The following AGAP1 variants were observed in gnomAD, a reference collection of about 807,000 sequenced individuals.
AGAP1 encodes arf-GAP with GTPase, ANK repeat and PH domain-containing protein 1.
AGAP1 carries 29 observed loss-of-function variants against 105.3 expected under a neutral mutation model. The observed-to-expected ratio is 0.28, with a 90% CI of 0.21 to 0.38. AGAP1 has a LOEUF of 0.38. AGAP1 is among the 10% of genes least tolerant of loss of function. The probability of loss-of-function intolerance (pLI) is 1.00; values close to 1 mark genes in which losing one functional copy is unlikely to be tolerated. For missense variants in AGAP1, 998 were observed against 1,165.1 expected, an observed-to-expected ratio of 0.86 and a Z score of 2.09; for synonymous variants, 509 against 485.9, an observed-to-expected ratio of 1.05 and a Z score of -0.63.
At chr2:235,997,302 T>A (rs773005056) in intron 13 of AGAP1, among the ~76,000 whole-genome samples, 1 of 152,212 alleles carries the variant, frequency 6.6e-6, no homozygotes, top group Non-Finnish European at 1.5e-5. Context: ...TTGGTCAGGC[T>A]GGTCTCGAAC....
intron 1 of AGAP1, among the ~76,000 whole-genome samples, chr2:235,534,003 G>A (rs915473242): frequency 6.6e-6 from 1 of 152,252 alleles, no homozygotes; most frequent in African/African-American, 2.4e-5. Context: ...GGAGCCACAT[G>A]GGAAGCCCCC....
intron 9 of AGAP1, among the ~76,000 whole-genome samples, chr2:235,856,683 G>C (rs1039511821): frequency 2.6e-5 from 4 of 152,286 alleles, no homozygotes; most frequent in Non-Finnish European, 5.9e-5. Context: ...CACAGGCCAG[G>C]ATGGGAAAGG....
intron 11 of AGAP1, among the ~76,000 whole-genome samples, chr2:235,925,366 T>G (rs1336741610): frequency 6.6e-6 from 1 of 152,142 alleles, no homozygotes; most frequent in African/African-American, 2.4e-5. Context: ...ATCTTACTCC[T>G]TAGACACGGG....
At chr2:235,533,777 C>T (rs1340805398) in intron 1 of AGAP1, among the ~76,000 whole-genome samples, 4 of 152,240 alleles carry the variant, frequency 2.6e-5, no homozygotes, top group East Asian at 1.9e-4. Context: ...TTTCACCCCT[C>T]GGTTCTGCTC....
rs372205373 is a variant in AGAP1 at position 235,865,333 on chromosome 2, C to T, written c.1051-18012C>T. Among the ~76,000 whole-genome samples, 7 of 152,146 alleles carry T rather than the reference C, an allele frequency of 4.6e-5. No individual in the cohort carries two copies. The East Asian group carries it at 7.7e-4, about 17-fold the overall frequency. On this transcript the variant is annotated intron_variant, in intron 9 of 17. Transcript: ENST00000304032. This position sits in a 1 kb window ranked among gnomAD's most constrained non-coding sequence, Gnocchi z 6.2. ...GACGCGGCTAATGACAGGAAGGTCG[C>T]GCGGGTGAGCTGACCTGTGTGTGGC...
At chr2:235,942,706 A>G (rs2053319433) in intron 12 of AGAP1, among the ~76,000 whole-genome samples, 1 of 151,914 alleles carries the variant, frequency 6.6e-6, no homozygotes, top group African/African-American at 2.4e-5. Context: ...AAAATTTCCT[A>G]GCATACAGAA....
Position 235,788,363 on chromosome 2 carries a change from A to G in AGAP1, c.674-9396A>G, listed in dbSNP as rs882665. ...AGGAAAGTCCACCAAAAGGATAAAC[A>G]GCTAGGAGCCCACTAGTAAGCCAGG... On this transcript the variant is annotated intron_variant, in intron 6 of 17. Transcript: ENST00000304032. This position sits in a 1 kb window ranked among gnomAD's most constrained non-coding sequence, Gnocchi z 6.0. Among the ~76,000 whole-genome samples the G allele has an allele frequency of 2.0e-5, 3 of 152,168 alleles. No homozygotes were observed. The highest frequency in any genetic ancestry group is 1.5e-5 in the Non-Finnish European group (1 of 68,028).
At chr2:235,816,437 C>CAAA (rs79795818) in intron 9 of AGAP1, among the ~76,000 whole-genome samples, 2 of 97,920 alleles carry the variant, frequency 2.0e-5, no homozygotes, top group African/African-American at 3.8e-5. Flanking sequence ...GACTCCGTCT[C>CAAA]AAAAAAAAAA....
chr2:236,090,414 CAT>C lies in AGAP1; in HGVS notation c.2115-29777_2115-29776del, dbSNP rs1420137667. Among the ~76,000 whole-genome samples the C allele has an allele frequency of 6.6e-6, 1 of 152,180 alleles. No individual in the cohort carries two copies. Among genetic ancestry groups the C allele is most frequent in the Non-Finnish European group, 1.5e-5 (1 of 68,038 alleles). ...GTCACAAATTAGAAAATAATATTCA[CAT>C]GTTTCTTCTAATTGGTAACAGATTA... On this transcript the variant is annotated intron_variant, in intron 16 of 17. Coordinates refer to ENST00000304032, the MANE Select transcript of AGAP1 (RefSeq NM_001037131.3). This position sits in a 1 kb window ranked among gnomAD's most constrained non-coding sequence, Gnocchi z 4.3.
rs753204778 is a variant in AGAP1 at position 235,719,168 on chromosome 2, A to C, written c.310+1524A>C. Among the ~76,000 whole-genome samples the C allele has an allele frequency of 1.3e-5, 2 of 152,152 alleles. No individual in the cohort carries two copies. Among genetic ancestry groups the C allele is most frequent in the African/African-American group, 4.8e-5 (2 of 41,426 alleles). On this transcript the variant is annotated intron_variant, in intron 3 of 17. Transcript: ENST00000304032. The surrounding 1 kb of genome is among the most constrained non-coding windows in gnomAD (Gnocchi z 4.9). ...TCAAGCTGGGACCACAGGAAGTTAC[A>C]TGAGTCGGGCCTGGTTTTGTTGCTG... is the stretch of plus-strand genomic sequence containing the variant.
At position 236,105,120 on chromosome 2, in the gene AGAP1, G is replaced by A. The variant is rs1251993755; in HGVS notation, c.2115-15072G>A. ...AGAGAAGGCACGGCCCTCACCCAGGGCAGCAGAGATCAGGGCTGACTTTCC... is the reference window on the plus strand; with the variant it reads ...AGAGAAGGCACGGCCCTCACCCAGGACAGCAGAGATCAGGGCTGACTTTCC... On this transcript the variant is annotated intron_variant, in intron 16 of 17. Transcript: ENST00000304032. The surrounding 1 kb of genome is among the most constrained non-coding windows in gnomAD (Gnocchi z 4.2). Among the ~76,000 whole-genome samples, 1 of 152,102 alleles carries A rather than the reference G, an allele frequency of 6.6e-6. No individual in the cohort carries two copies. The highest frequency in any genetic ancestry group is 2.4e-5 in the African/African-American group (1 of 41,406).
At chr2:235,514,688 G>C (rs1342026056) in intron 1 of AGAP1, among the ~76,000 whole-genome samples, 2 of 152,256 alleles carry the variant, frequency 1.3e-5, no homozygotes, top group Non-Finnish European at 2.9e-5. Flanking sequence ...CCTGCCACCT[G>C]GTGGCCTGTG....
intron 9 of AGAP1, among the ~76,000 whole-genome samples, chr2:235,818,273 G>A (rs927127693): frequency 6.6e-6 from 1 of 152,200 alleles, no homozygotes; most frequent in Admixed American, 6.5e-5. Flanking sequence ...TAGACGAAGA[G>A]TTTGAGGTTC....
intron 11 of AGAP1, among the ~76,000 whole-genome samples, chr2:235,909,110 GAGT>G (rs2051450634): frequency 6.6e-6 from 1 of 152,204 alleles, no homozygotes; most frequent in Non-Finnish European, 1.5e-5. Context: ...ATGGTGCTTT[GAGT>G]CACAGCTGCA....
chr2:236,069,994 TGACA>T (rs1418773305), intron 16 of AGAP1, among the ~76,000 whole-genome samples: 3 of 152,260 alleles, frequency 2.0e-5, no homozygotes, highest in Non-Finnish European at 4.4e-5. Context: ...TCACCCAGTG[TGACA>T]GTGGTGGCTG....
Position 235,889,503 on chromosome 2 carries a change from G to A in AGAP1, c.1155+6054G>A, listed in dbSNP as rs1003970343. Among the ~76,000 whole-genome samples, 1 of 151,128 alleles carries A rather than the reference G, an allele frequency of 6.6e-6. No homozygotes were observed. The highest frequency in any genetic ancestry group is 2.4e-5 in the African/African-American group (1 of 41,086). The stretch of plus-strand genomic sequence containing the variant: ...CTTTCCTTCCCACTTAATTGCTTTG[G>A]ATTTCTCTTTCCTTTCTCGTCATCC... On this transcript the variant is annotated intron_variant, in intron 10 of 17. Transcript: ENST00000304032. The surrounding 1 kb of genome is among the most constrained non-coding windows in gnomAD (Gnocchi z 4.6).
chr2:236,079,475 A>G (rs971250905), intron 16 of AGAP1, among the ~76,000 whole-genome samples: 1 of 150,986 alleles, frequency 6.6e-6, no homozygotes, highest in Non-Finnish European at 1.5e-5. Context: ...TTAAGGCTGC[A>G]GTGAGCTGTG....
intron 10 of AGAP1, among the ~76,000 whole-genome samples, chr2:235,897,881 G>A (rs1364530746): frequency 2.0e-5 from 3 of 152,192 alleles, no homozygotes; most frequent in Admixed American, 1.3e-4. Flanking sequence ...TAGGTAGGGA[G>A]GGGCAGGGCT....
intron 6 of AGAP1, among the ~76,000 whole-genome samples, chr2:235,772,382 C>G (rs887436855): frequency 6.6e-6 from 1 of 152,256 alleles, no homozygotes; most frequent in South Asian, 2.1e-4. Flanking sequence ...TTTCTCTTGA[C>G]GAACTTCCCT....
Sources: gnomAD v4.1 joint callset for allele counts (sites outside exome capture counted in the v4.1 genomes callset) on GRCh38, gnomAD v4.1.1 for gene constraint, Gnocchi (gnomAD v3.1) non-coding constraint, MANE v1.5 for transcripts, NCBI Gene and HGNC (gene_info 2026-07-23, HGNC 2026-07-21) for gene names.